The following MYO16 variants were observed in gnomAD, a reference collection of about 807,000 sequenced individuals.
The protein encoded by MYO16 is unconventional myosin-XVI.
A neutral mutation model predicts 205.3 loss-of-function variants in MYO16; 94 were observed. That is an observed-to-expected ratio of 0.46 (90% confidence interval 0.39 to 0.54). MYO16 has a LOEUF of 0.54. Ranked by LOEUF, MYO16 falls within the 20% of genes least tolerant of loss-of-function variation. MYO16 has a pLI of 0.00. For synonymous variants in MYO16, 988 were observed against 954.0 expected (o/e 1.04, Z -0.66); for missense variants, 2,315 against 2,387.5 (o/e 0.97, Z 0.63).
In MYO16 at chr13:108,667,315, G is replaced by GTTT. The variant is rs1186561491; in HGVS notation, c.292+1168_292+1170dup. Among the ~76,000 whole-genome samples, 515 of 118,212 alleles carry GTTT rather than the reference G, an allele frequency of 4.4e-3. 9 individuals are homozygous for GTTT. The Middle Eastern group carries it at 0.047, about 11-fold the overall frequency. 77.6% of individuals were successfully genotyped at this position (118,212 alleles called of 152,430 possible). ...AAACTGTAATATTCTGAGAATTTCT[G>GTTT]TTTTGTTTTTTTTTTTTTTTTGTCT... On this transcript the variant is annotated intron_variant, in intron 2 of 34. Coordinates refer to ENST00000457511, the MANE Select transcript of MYO16 (RefSeq NM_001198950.3).
At chr13:108,605,867 A>T (rs971601518) in intron 1 of MYO16, among the ~76,000 whole-genome samples, 2 of 152,216 alleles carry the variant, frequency 1.3e-5, no homozygotes, top group Admixed American at 6.5e-5. Context: ...GTGAGGGCTC[A>T]GAAAAATACT....
At chr13:108,547,682 A>G in the MYO16 span, among the ~76,000 whole-genome samples, 1 of 152,240 alleles carries the variant, frequency 6.6e-6, no homozygotes, top group Non-Finnish European at 1.5e-5. Flanking sequence ...GAGCTTACAA[A>G]TAAAAATGGT....
chr13:108,916,289 C>T (rs542822669), intron 16 of MYO16, among the ~76,000 whole-genome samples: 5 of 152,300 alleles, frequency 3.3e-5, no homozygotes, highest in South Asian at 2.1e-4. Flanking sequence ...AATCCTCACC[C>T]GCAGCTAAGC....
At chr13:108,552,817 G>A in the MYO16 span, among the ~76,000 whole-genome samples, 1 of 151,944 alleles carries the variant, frequency 6.6e-6, no homozygotes, top group Non-Finnish European at 1.5e-5. Flanking sequence ...GGAAGCCCAA[G>A]GTCAAGGTGA....
chr13:109,134,972 T>A (rs1876705365), intron 31 of MYO16, among the ~76,000 whole-genome samples: 1 of 152,154 alleles, frequency 6.6e-6, no homozygotes, highest in Non-Finnish European at 1.5e-5. Context: ...TCCTTCATCA[T>A]CTCATCTGGC....
chr13:109,167,600 A>T (rs1428256336), intron 33 of MYO16, among the ~76,000 whole-genome samples: 1 of 152,212 alleles, frequency 6.6e-6, no homozygotes, highest in Non-Finnish European at 1.5e-5. Context: ...ACTGTCTCTA[A>T]ATTACACCAT....
At chr13:108,982,128 AAT>A (rs969001084) in intron 20 of MYO16, among the ~76,000 whole-genome samples, 2 of 152,246 alleles carry the variant, frequency 1.3e-5, no homozygotes, top group Non-Finnish European at 2.9e-5. Flanking sequence ...CAAAGTAGCA[AAT>A]ATGTATGATG....
intron 33 of MYO16, among the ~76,000 whole-genome samples, chr13:109,168,410 C>T (rs1415012316): frequency 6.6e-6 from 1 of 152,168 alleles, no homozygotes; most frequent in Non-Finnish European, 1.5e-5. Flanking sequence ...AAACAGTGCT[C>T]ATATATTTGA....
At chr13:108,737,617 C>G (rs1286540852) in intron 4 of MYO16, among the ~76,000 whole-genome samples, 3 of 152,074 alleles carry the variant, frequency 2.0e-5, no homozygotes, top group African/African-American at 7.2e-5. Context: ...TGTGTCTCTG[C>G]CAGGCTTTGG....
At chr13:108,995,341 C>A (rs900964537) in intron 21 of MYO16, among the ~76,000 whole-genome samples, 1 of 152,172 alleles carries the variant, frequency 6.6e-6, no homozygotes, top group African/African-American at 2.4e-5. Context: ...AATCGCCTCC[C>A]AAAGGCCCCA....
At chr13:108,818,851 A>T (rs1875787076) in intron 7 of MYO16, among the ~76,000 whole-genome samples, 1 of 152,220 alleles carries the variant, frequency 6.6e-6, no homozygotes, top group Non-Finnish European at 1.5e-5. Flanking sequence ...AAATCATACC[A>T]AAAAGAAATC....
chr13:108,772,975 C>T (rs1249937366), intron 4 of MYO16, among the ~76,000 whole-genome samples: 1 of 152,160 alleles, frequency 6.6e-6, no homozygotes, highest in Non-Finnish European at 1.5e-5. Flanking sequence ...AACCTTATTT[C>T]TCACAGTTCT....
At chr13:108,782,136 G>A (rs1466915938) in intron 4 of MYO16, among the ~76,000 whole-genome samples, 7 of 152,196 alleles carry the variant, frequency 4.6e-5, no homozygotes, top group Non-Finnish European at 1.0e-4. Context: ...AAGAAGACAG[G>A]AAAATGTGGG....
chr13:109,008,820 G>T, intron 21 of MYO16, 77 bp from the exon 22 acceptor site: 1 of 783,568 alleles, frequency 1.3e-6, no homozygotes, highest in Non-Finnish European at 2.0e-6. Context: ...TCTTGTGTAT[G>T]CACTACTGTA....
At chr13:108,820,039 A>G (rs1217271282) in intron 7 of MYO16, among the ~76,000 whole-genome samples, 1 of 152,172 alleles carries the variant, frequency 6.6e-6, no homozygotes, top group Non-Finnish European at 1.5e-5. Flanking sequence ...CTAGTTTCTC[A>G]TCCTAAAAAT....
intron 27 of MYO16, among the ~76,000 whole-genome samples, chr13:109,081,772 G>A (rs754604912): frequency 1.3e-4 from 20 of 152,248 alleles, no homozygotes; most frequent in Middle Eastern, 3.4e-3. Context: ...GAAAATGAGA[G>A]AAAGGTAGAA....
intron 1 of MYO16, among the ~76,000 whole-genome samples, chr13:108,622,908 A>C (rs1012161857): frequency 4.6e-5 from 7 of 152,156 alleles, no homozygotes; most frequent in African/African-American, 1.7e-4. Flanking sequence ...ATTGTAACAC[A>C]GGAGAGGAAC....
At chr13:108,549,871 T>A in the MYO16 span, among the ~76,000 whole-genome samples, 1 of 152,236 alleles carries the variant, frequency 6.6e-6, no homozygotes, top group Admixed American at 6.5e-5. Flanking sequence ...CTAATTTTGA[T>A]AATAATGCAA....
At chr13:108,751,574 G>C (rs1457282433) in intron 4 of MYO16, among the ~76,000 whole-genome samples, 1 of 152,176 alleles carries the variant, frequency 6.6e-6, no homozygotes, top group African/African-American at 2.4e-5. Context: ...GCTGCTCCAA[G>C]TGACTTCTTT....
Sources: gnomAD v4.1 joint callset for allele counts (sites outside exome capture counted in the v4.1 genomes callset) on GRCh38, gnomAD v4.1.1 for gene constraint, MANE v1.5 for transcripts, NCBI Gene and HGNC (gene_info 2026-07-23, HGNC 2026-07-21) for gene names.